ZNF385D: variants seen among roughly 807,000 people sequenced by gnomAD.
The protein encoded by ZNF385D is zinc finger protein 659.
Under a neutral mutation model 35.8 loss-of-function variants are expected in ZNF385D, and 15 were observed. The observed-to-expected ratio is 0.42, with a 90% confidence interval of 0.28 to 0.64. ZNF385D has a LOEUF of 0.64. ZNF385D is among the 30% of genes least tolerant of loss of function. The pLI is 0.23. For missense variants in ZNF385D, 474 were observed against 494.6 expected, an observed-to-expected ratio of 0.96 and a Z score of 0.39; for synonymous variants, 212 against 186.8, an observed-to-expected ratio of 1.13 and a Z score of -1.10.
chr3:22,340,223 T>C (rs1695361298), intron 2 of ZNF385D, among the ~76,000 whole-genome samples: 2 of 152,194 alleles, frequency 1.3e-5, no homozygotes, highest in Admixed American at 6.5e-5. Flanking sequence ...GCCTGTTAAA[T>C]TGCCACTTTG....
intron 2 of ZNF385D, among the ~76,000 whole-genome samples, chr3:21,578,710 GA>G (rs2063565940): frequency 6.6e-6 from 1 of 152,104 alleles, no homozygotes; most frequent in African/African-American, 2.4e-5. Context: ...TTTCATGCCA[GA>G]ACCATGCTGT....
intron 2 of ZNF385D, among the ~76,000 whole-genome samples, chr3:22,189,948 C>T (rs553637677): frequency 1.1e-4 from 16 of 152,202 alleles, no homozygotes; most frequent in African/African-American, 3.9e-4. Context: ...TATATATATG[C>T]TAACCCTCAT....
intron 3 of ZNF385D, among the ~76,000 whole-genome samples, chr3:21,833,132 T>C (rs924451267): frequency 6.6e-6 from 1 of 152,094 alleles, no homozygotes; most frequent in African/African-American, 2.4e-5. Context: ...CTGTGTTGTG[T>C]TGGGTACTAG....
chr3:21,633,072 A>G (rs1390502154), intron 2 of ZNF385D, among the ~76,000 whole-genome samples: 1 of 152,122 alleles, frequency 6.6e-6, no homozygotes, highest in African/African-American at 2.4e-5. Flanking sequence ...AATTTGGTAT[A>G]TTCTAGAGAT....
chr3:22,050,467 A>C (rs1576230953), intron 3 of ZNF385D, among the ~76,000 whole-genome samples: 1 of 152,180 alleles, frequency 6.6e-6, no homozygotes, highest in Admixed American at 6.5e-5. Flanking sequence ...AAATCATCAG[A>C]TCCTGGGCTT....
intron 1 of ZNF385D, among the ~76,000 whole-genome samples, chr3:21,691,289 C>T (rs2067277135): frequency 6.6e-6 from 1 of 152,132 alleles, no homozygotes; most frequent in Admixed American, 6.5e-5. Context: ...TTTATCATAT[C>T]CAACCTTAGC....
intron 2 of ZNF385D, among the ~76,000 whole-genome samples, chr3:22,230,038 C>G (rs1344195091): frequency 6.6e-6 from 1 of 152,180 alleles, no homozygotes; most frequent in Non-Finnish European, 1.5e-5. Flanking sequence ...TACTTTATAT[C>G]TTGATAGACT....
intron 3 of ZNF385D, among the ~76,000 whole-genome samples, chr3:21,982,829 C>G (rs1225287352): frequency 6.9e-6 from 1 of 145,524 alleles, no homozygotes; most frequent in African/African-American, 2.6e-5. Flanking sequence ...TTTTTTTTTG[C>G]ATCTATTGAG....
chr3:22,196,771 AT>A (rs1243379160), intron 2 of ZNF385D, among the ~76,000 whole-genome samples: 1 of 151,974 alleles, frequency 6.6e-6, no homozygotes, highest in Admixed American at 6.6e-5. Flanking sequence ...TAAAGTTATT[AT>A]TTTTTAGTTT....
chr3:21,720,600 G>A (rs942067831), intron 1 of ZNF385D, among the ~76,000 whole-genome samples: 1 of 152,130 alleles, frequency 6.6e-6, no homozygotes, highest in Non-Finnish European at 1.5e-5. Flanking sequence ...TACTGAATCC[G>A]AAGCCAAAAG....
chr3:21,582,356 C>T (rs2063691645), intron 2 of ZNF385D, among the ~76,000 whole-genome samples: 1 of 152,138 alleles, frequency 6.6e-6, no homozygotes, highest in South Asian at 2.1e-4. Context: ...TGAAATAAAA[C>T]AAGGGCTATT....
At chr3:21,762,016 T>G (rs2070638659) in intron 3 of ZNF385D, among the ~76,000 whole-genome samples, 1 of 151,360 alleles carries the variant, frequency 6.6e-6, no homozygotes, top group African/African-American at 2.4e-5. Flanking sequence ...GTAGCCGAGA[T>G]TACAAGCATG....
intron 3 of ZNF385D, among the ~76,000 whole-genome samples, chr3:21,909,041 T>G (rs1157134807): frequency 6.6e-6 from 1 of 152,058 alleles, no homozygotes; most frequent in African/African-American, 2.4e-5. Context: ...TTTTCAGCAT[T>G]TAAATTACTT....
At chr3:22,044,661 G>A (rs541447313) in intron 3 of ZNF385D, among the ~76,000 whole-genome samples, 1 of 152,212 alleles carries the variant, frequency 6.6e-6, no homozygotes, top group Admixed American at 6.5e-5. Context: ...ACAGGGCACA[G>A]ATTTATCCTT....
chr3:22,279,650 T>C (rs62246559), intron 2 of ZNF385D, among the ~76,000 whole-genome samples: 3 of 126,340 alleles, frequency 2.4e-5, no homozygotes, highest in African/African-American at 9.6e-5. Flanking sequence ...TATATATATA[T>C]ATATGCACAC....
intron 2 of ZNF385D, among the ~76,000 whole-genome samples, chr3:21,636,408 A>ATG (rs2065448903): frequency 4.5e-5 from 2 of 43,998 alleles, no homozygotes; most frequent in African/African-American, 2.0e-4. Flanking sequence ...ATATATATAT[A>ATG]TATATAGAGT....
intron 3 of ZNF385D, among the ~76,000 whole-genome samples, chr3:21,532,590 G>A (rs1017363709): frequency 5.3e-5 from 8 of 150,954 alleles, no homozygotes; most frequent in African/African-American, 1.7e-4. Context: ...AAAACCATCT[G>A]TACCCCATAA....
At chr3:22,295,118 G>C (rs1316390461) in intron 2 of ZNF385D, among the ~76,000 whole-genome samples, 1 of 152,072 alleles carries the variant, frequency 6.6e-6, no homozygotes, top group African/African-American at 2.4e-5. Context: ...TCATCATGCT[G>C]TTAATAACTT....
In ZNF385D at chr3:21,973,916, T is replaced by C. The variant is rs565634994; in HGVS notation, c.325+194901A>G. On this transcript the variant is annotated intron_variant, in intron 3 of 5. Coordinates refer to the ZNF385D transcript ENST00000494108. The stretch of plus-strand genomic sequence containing the variant: ...AACTATAAAATATTGATGTAAGAAA[T>C]TGAAGAGGTCAAAAAAATGAAAAGG... Among the ~76,000 whole-genome samples, 6 of 152,044 alleles carry C rather than the reference T, an allele frequency of 3.9e-5. No homozygotes were observed. The East Asian group carries it at 7.7e-4, about 20-fold the overall frequency.
Sources: allele counts gnomAD v4.1 joint callset (sites outside exome capture counted in the v4.1 genomes callset), GRCh38; gene constraint gnomAD v4.1.1; transcripts MANE v1.5; gene names NCBI Gene and HGNC (gene_info 2026-07-23, HGNC 2026-07-21).